Variants in CFAP263 observed in about 807,000 individuals in gnomAD.
CFAP263 encodes the protein cilia and flagella associated protein 263.
At chr16:58,280,332 A>G in the CFAP263 span, 10 of 1,613,856 alleles carry the variant, frequency 6.2e-6, no homozygotes, top group Admixed American at 3.3e-5. Flanking sequence ...CCACCTCCCC[A>G]CCGTAATAGT....
At chr16:58,269,803 T>G in the CFAP263 span, among the ~76,000 whole-genome samples, 1 of 152,238 alleles carries the variant, frequency 6.6e-6, no homozygotes, top group Non-Finnish European at 1.5e-5. Context: ...CAAGTTTTTC[T>G]GTGGATACAT....
At chr16:58,276,888 G>C in the CFAP263 span, among the ~76,000 whole-genome samples, 1 of 152,184 alleles carries the variant, frequency 6.6e-6, no homozygotes, top group South Asian at 2.1e-4. Context: ...ACATCTGGAT[G>C]AATAAAAGTG....
chr16:58,263,840 G>C, the CFAP263 span, among the ~76,000 whole-genome samples: 1 of 152,142 alleles, frequency 6.6e-6, no homozygotes, highest in Non-Finnish European at 1.5e-5. Flanking sequence ...TTATCTGGGC[G>C]TGGTGGTGCA....
chr16:58,261,831 A>G, the CFAP263 span, among the ~76,000 whole-genome samples: 86,013 of 152,074 alleles, frequency 0.57, 24,744 homozygotes, highest in African/African-American at 0.64. Flanking sequence ...GGGCTGGTAA[A>G]GTGGGCCAGG....
chr16:58,255,373 C>A, the CFAP263 span, among the ~76,000 whole-genome samples: 1 of 152,108 alleles, frequency 6.6e-6, no homozygotes, highest in African/African-American at 2.4e-5. Context: ...TGGTGCCCAC[C>A]CACACTGAGG....
chr16:58,272,080 T>A, the CFAP263 span, among the ~76,000 whole-genome samples: 1 of 151,682 alleles, frequency 6.6e-6, no homozygotes, highest in African/African-American at 2.4e-5. Context: ...AGTGGCGTGA[T>A]CTCGGCTCAC....
chr16:58,269,443 A>C, the CFAP263 span, among the ~76,000 whole-genome samples: 2 of 152,078 alleles, frequency 1.3e-5, no homozygotes, highest in African/African-American at 2.4e-5. Flanking sequence ...AAAGAAAGGA[A>C]GGAAGGAAAG....
At chr16:58,278,989 A>T in the CFAP263 span, among the ~76,000 whole-genome samples, 14 of 151,752 alleles carry the variant, frequency 9.2e-5, no homozygotes, top group African/African-American at 3.4e-4. Flanking sequence ...TTTTTTTTTT[A>T]AATGAGATAG....
chr16:58,262,261 G>T, the CFAP263 span: 10 of 850,802 alleles, frequency 1.2e-5, no homozygotes, highest in Non-Finnish European at 1.9e-5. Flanking sequence ...TGCCCAATAT[G>T]TGTTTGCTGA....
At chr16:58,275,004 T>C in the CFAP263 span, among the ~76,000 whole-genome samples, 5,704 of 152,292 alleles carry the variant, frequency 0.037, 149 homozygotes, top group East Asian at 0.08. Context: ...TCTTAGGTAT[T>C]CTCAAATCAC....
chr16:58,250,134 G>T, the CFAP263 span: 3 of 1,503,748 alleles, frequency 2.0e-6, no homozygotes, highest in African/African-American at 2.8e-5. Context: ...GCCCGCGCCT[G>T]GGGGCCGCCC....
chr16:58,253,205 C>G, the CFAP263 span, among the ~76,000 whole-genome samples: 33 of 151,976 alleles, frequency 2.2e-4, 1 homozygote, highest in Admixed American at 2.0e-3. Context: ...TTGCAAGACC[C>G]CATCTTTACA....
the CFAP263 span, among the ~76,000 whole-genome samples, chr16:58,272,129 C>G: frequency 6.6e-6 from 1 of 152,022 alleles, no homozygotes; most frequent in South Asian, 2.1e-4. Flanking sequence ...ATTCTCCTGC[C>G]TCAGCCTCTC....
At chr16:58,259,651 G>A in the CFAP263 span, among the ~76,000 whole-genome samples, 1 of 152,104 alleles carries the variant, frequency 6.6e-6, no homozygotes, top group South Asian at 2.1e-4. Flanking sequence ...AATTTGCATG[G>A]TGCAAAACCA....
At chr16:58,254,496 G>T in the CFAP263 span, among the ~76,000 whole-genome samples, 1 of 152,132 alleles carries the variant, frequency 6.6e-6, no homozygotes, top group Admixed American at 6.5e-5. Flanking sequence ...TTACTAGGAA[G>T]TGAATCCTAG....
chr16:58,252,692 A>AAAG, the CFAP263 span: 1 of 1,600,464 alleles, frequency 6.2e-7, no homozygotes, highest in Non-Finnish European at 8.6e-7. Context: ...TTAAACTCTT[A>AAAG]TTACTAGAAC....
At chr16:58,282,035 G>A in the CFAP263 span, 1 of 141,506 alleles carries the variant, frequency 7.1e-6, no homozygotes, top group Non-Finnish European at 1.5e-5. Context: ...TTGAGATGGA[G>A]TCTTGCTCTG....
the CFAP263 span, among the ~76,000 whole-genome samples, chr16:58,255,904 G>A: frequency 2.0e-5 from 3 of 152,162 alleles, no homozygotes; most frequent in Non-Finnish European, 4.4e-5. Context: ...CCCATGGTTT[G>A]TGCCCTGTTA....
At chr16:58,267,025 C>A in the CFAP263 span, among the ~76,000 whole-genome samples, 1 of 152,158 alleles carries the variant, frequency 6.6e-6, no homozygotes, top group Admixed American at 6.5e-5. Context: ...AGCAGTAGCA[C>A]CCACCTCATG....
Sources: gnomAD v4.1 joint callset for allele counts (sites outside exome capture counted in the v4.1 genomes callset) on GRCh38, gnomAD v4.1.1 for gene constraint, MANE v1.5 for transcripts, NCBI Gene and HGNC (gene_info 2026-07-23, HGNC 2026-07-21) for gene names.